LONP2: variants seen among roughly 807,000 people sequenced by gnomAD.
LONP2 encodes the protein lon peptidase 2, peroxisomal, also known as lon protease homolog 2, peroxisomal.
A neutral mutation model predicts 85.6 loss-of-function variants in LONP2; 60 were observed. The ratio of observed to expected loss-of-function variants is 0.70; its 90% CI spans 0.57 to 0.87. The LOEUF (loss-of-function observed/expected upper bound fraction) is 0.87. Among genes scored for constraint, LONP2 ranks in the 40% least tolerant of loss-of-function variants. The probability of loss-of-function intolerance (pLI) is 0.00; values close to 1 mark genes in which losing one functional copy is unlikely to be tolerated. For synonymous variants in LONP2, 395 were observed against 389.7 expected (o/e 1.01, Z -0.16); for missense variants, 860 against 1,063.5 (o/e 0.81, Z 2.66).
At chr16:48,347,470 T>C (rs776159303) in intron 12 of LONP2, 37 bp from the exon 13 acceptor site, 1 of 1,609,540 alleles carries the variant, frequency 6.2e-7, no homozygotes, top group Admixed American at 1.7e-5. Flanking sequence ...CCTTTAGCAT[T>C]TGCCAACCCA....
At chr16:48,268,664 A>G (rs984513616) in intron 6 of LONP2, among the ~76,000 whole-genome samples, 3 of 152,286 alleles carry the variant, frequency 2.0e-5, no homozygotes, top group African/African-American at 7.2e-5. Context: ...GAAACTCTCT[A>G]TCTTTCACTT....
chr16:48,328,336 G>A (rs1959316951), intron 11 of LONP2, among the ~76,000 whole-genome samples: 1 of 151,744 alleles, frequency 6.6e-6, no homozygotes, highest in South Asian at 2.1e-4. Flanking sequence ...ACGATATCAG[G>A]AGTTCGAGAC....
At chr16:48,262,210 G>T (rs1221159399) in intron 5 of LONP2, among the ~76,000 whole-genome samples, 3 of 152,134 alleles carry the variant, frequency 2.0e-5, no homozygotes, top group African/African-American at 7.2e-5. Flanking sequence ...TATTATGGAA[G>T]TAGCATTTGT....
chr16:48,263,495 T>C (rs1278487419), intron 6 of LONP2, among the ~76,000 whole-genome samples: 1 of 152,230 alleles, frequency 6.6e-6, no homozygotes, highest in Non-Finnish European at 1.5e-5. Flanking sequence ...TGATGCCCTC[T>C]AACCTAGAGG....
chr16:48,320,065 C>T (rs1973229297), intron 11 of LONP2, among the ~76,000 whole-genome samples: 1 of 148,432 alleles, frequency 6.7e-6, no homozygotes. Context: ...GAGGCTGAGG[C>T]AGGAGAATCG....
chr16:48,350,688 G>T (rs1960116153), intron 14 of LONP2, among the ~76,000 whole-genome samples: 1 of 152,184 alleles, frequency 6.6e-6, no homozygotes, highest in Admixed American at 6.5e-5. Flanking sequence ...AGTTCCTGTG[G>T]GCCAGGAATT....
chr16:48,353,974 A>G lies in LONP2; in HGVS notation c.*2172A>G, dbSNP rs1453343909. The G allele has an allele frequency of 6.7e-6, 1 of 150,268 alleles. No homozygotes were observed. Among genetic ancestry groups the G allele is most frequent in the African/African-American group, 2.5e-5 (1 of 40,744 alleles). 9.3% of individuals were successfully genotyped at this position (150,268 alleles called of 1,614,324 possible). A position where few individuals can be genotyped will look rare whatever the true frequency, so the allele number is the denominator to read the frequency against. On this transcript the variant is annotated 3_prime_UTR_variant, in exon 15 of 15. Transcript: ENST00000285737. ...TGACATGGAACAGTATGACCATTGC[A>G]CTAGCTTTGTTTTTGGTTTGTTTTG...
intron 1 of LONP2, among the ~76,000 whole-genome samples, chr16:48,245,191 C>G (rs549088365): frequency 6.6e-6 from 1 of 152,162 alleles, no homozygotes; most frequent in Non-Finnish European, 1.5e-5. Flanking sequence ...CCTAATCCTT[C>G]TGTTTCCCTT....
chr16:48,246,818 C>T (rs1971414652), intron 1 of LONP2, among the ~76,000 whole-genome samples: 1 of 152,116 alleles, frequency 6.6e-6, no homozygotes, highest in African/African-American at 2.4e-5. Context: ...CAAGCTATCC[C>T]CTGCTTTGGC....
intron 11 of LONP2, among the ~76,000 whole-genome samples, chr16:48,309,964 G>T (rs73551462): frequency 1.3e-5 from 2 of 150,946 alleles, no homozygotes; most frequent in Non-Finnish European, 3.0e-5. Context: ...AGTAGTATTT[G>T]TTTTATTAAT....
At chr16:48,253,874 T>C (rs1596907642) in intron 2 of LONP2, among the ~76,000 whole-genome samples, 1 of 152,362 alleles carries the variant, frequency 6.6e-6, no homozygotes, top group East Asian at 1.9e-4. Flanking sequence ...ATTATATGTT[T>C]TGTTTTTGTA....
rs190834789 is a variant in LONP2, at chr16:48,328,991, G to A, written c.1796-5225G>A. On this transcript the variant is annotated intron_variant, in intron 11 of 14. Transcript: ENST00000285737. ...TGCTGATTAGAAAACCAGATACAAA[G>A]AGGTAAAGTCACCTTGTTCTAGGCC... Among the ~76,000 whole-genome samples the A allele has an allele frequency of 6.6e-3, 1,012 of 152,258 alleles. 10 individuals are homozygous for A. The highest frequency in any genetic ancestry group is 8.5e-3 in the Non-Finnish European group (581 of 68,022).
At position 48,270,237 on chromosome 16, in the gene LONP2, G is replaced by T. The variant is rs781212063; in HGVS notation, c.1204G>T (p.Gly402Ter). ...LGREFHRIAL[G>*]GVCDQSDIRG... ...TCGAGAGTTCCACAGGATTGCACTT[G>T]GAGGAGTATGTGATCAGTCTGACAT... Residue 402 changes from glycine (G) to a stop codon, truncating the protein, a stop_gained, in exon 7 of 15, where the codon GGA becomes TGA. Coordinates refer to ENST00000285737, the MANE Select transcript of LONP2 (RefSeq NM_031490.5). LOFTEE classifies it high-confidence loss of function. 6.2e-7 allele frequency: 1 copy of T among 1,614,016 alleles called. No individual in the cohort carries two copies. The highest frequency in any genetic ancestry group is 8.5e-7 in the Non-Finnish European group (1 of 1,179,918).
Position 48,347,694 on chromosome 16 carries a change from A to C in LONP2, c.2126A>C (p.Lys709Thr). 6.2e-7 allele frequency: 1 copy of C among 1,613,606 alleles called. No homozygotes were observed. Residue 709 changes from lysine to threonine, a missense_variant, in exon 13 of 15, where the codon AAG becomes ACG. By Grantham distance (78) the Lys-to-Thr change is moderately conservative (BLOSUM62 -1). Transcript: ENST00000285737. ...ATCAGCTGGCTCCGCAGCAACGCAA[A>C]GAAGTACCAGCTGACCAATGGTAGG... is the stretch of plus-strand genomic sequence containing the variant. Reference protein sequence around the residue: ...LAISWLRSNAKKYQLTNAFGS... With the variant: ...LAISWLRSNATKYQLTNAFGS...
intron 11 of LONP2, among the ~76,000 whole-genome samples, chr16:48,304,304 G>T (rs770727342): frequency 6.6e-6 from 1 of 152,040 alleles, no homozygotes; most frequent in Non-Finnish European, 1.5e-5. Context: ...TTTCTTTTAT[G>T]GATAAACAAC....
intron 1 of LONP2, among the ~76,000 whole-genome samples, chr16:48,245,157 C>G (rs551291733): frequency 6.6e-6 from 1 of 152,264 alleles, no homozygotes; most frequent in South Asian, 2.1e-4. Context: ...CTTCTATACT[C>G]CCTGCCACCC....
intron 12 of LONP2, 135 bp downstream of exon 12, chr16:48,334,493 C>T (rs142481993): frequency 2.7e-5 from 30 of 1,123,186 alleles, no homozygotes; most frequent in Admixed American, 1.5e-4. Flanking sequence ...CTTTTTGGGA[C>T]GCAGGTTGTT....
At position 48,270,235 on chromosome 16, in the gene LONP2, T is replaced by G. The variant is rs757378461; in HGVS notation, c.1202T>G (p.Leu401Arg). The change falls in exon 7 of 15, where the codon CTT becomes CGT. Residue 401 changes from leucine to arginine, a missense_variant. By Grantham distance (102) the Leu-to-Arg change is moderately radical. This residue lies in a region of LONP2 where 743 missense variants were observed against 917.3 expected (regional missense o/e 0.81). Coordinates refer to ENST00000285737, the MANE Select transcript of LONP2 (RefSeq NM_031490.5). ...TLGREFHRIA[L>R]GGVCDQSDIR... ...GGTCGAGAGTTCCACAGGATTGCAC[T>G]TGGAGGAGTATGTGATCAGTCTGAC... is the stretch of plus-strand genomic sequence containing the variant. 6.2e-7 allele frequency: 1 copy of G among 1,614,032 alleles called. No homozygotes were observed.
At chr16:48,248,733 A>G (rs1971537407) in intron 1 of LONP2, among the ~76,000 whole-genome samples, 1 of 152,086 alleles carries the variant, frequency 6.6e-6, no homozygotes, top group Non-Finnish European at 1.5e-5. Flanking sequence ...ATTTTTTAAA[A>G]GTGGCTGGGC....
Sources: allele counts gnomAD v4.1 joint callset (sites outside exome capture counted in the v4.1 genomes callset), GRCh38; gene constraint gnomAD v4.1.1; regional missense constraint gnomAD v4.1.1; transcripts MANE v1.5; gene names NCBI Gene and HGNC (gene_info 2026-07-23, HGNC 2026-07-21).